Variants in LOC400499 observed in about 807,000 individuals in gnomAD.
chr16:11,429,389 G>A, the LOC400499 span, among the ~76,000 whole-genome samples: 2 of 152,170 alleles, frequency 1.3e-5, no homozygotes, highest in Non-Finnish European at 2.9e-5. Flanking sequence ...CCCAGTCTCC[G>A]GATGTGAAAG....
the LOC400499 span, chr16:11,494,690 C>T: frequency 2.5e-6 from 1 of 399,434 alleles, no homozygotes; most frequent in East Asian, 3.6e-5. Context: ...CAGAGAAGCA[C>T]AGAGGTTGTG....
At chr16:11,502,631 T>C in the LOC400499 span, among the ~76,000 whole-genome samples, 1 of 151,954 alleles carries the variant, frequency 6.6e-6, no homozygotes, top group Non-Finnish European at 1.5e-5. Flanking sequence ...TTTTTTTTTT[T>C]TGAGACGGAG....
At chr16:11,447,224 G>A in the LOC400499 span, among the ~76,000 whole-genome samples, 89 of 152,280 alleles carry the variant, frequency 5.8e-4, 1 homozygote, top group South Asian at 0.017. Flanking sequence ...ATCCAGGCAC[G>A]GTCTTTCACT....
chr16:11,421,892 C>T, the LOC400499 span, among the ~76,000 whole-genome samples: 150 of 152,272 alleles, frequency 9.9e-4, no homozygotes, highest in African/African-American at 3.3e-3. Context: ...ACCATAGCAT[C>T]CCCGAGTTGT....
At chr16:11,517,315 C>A in the LOC400499 span, among the ~76,000 whole-genome samples, 1 of 152,184 alleles carries the variant, frequency 6.6e-6, no homozygotes, top group Non-Finnish European at 1.5e-5. Flanking sequence ...GGGGAGCCTT[C>A]ACTCTTTCAT....
At chr16:11,465,337 G>T in the LOC400499 span, 2 of 152,240 alleles carry the variant, frequency 1.3e-5, no homozygotes, top group South Asian at 4.1e-4. Context: ...ATCTTGGCCA[G>T]GCTGGTCCCA....
chr16:11,423,048 T>G, the LOC400499 span: 8 of 398,086 alleles, frequency 2.0e-5, no homozygotes, highest in East Asian at 1.4e-4. Flanking sequence ...GGGGACCATG[T>G]GAGTATCTCC....
At chr16:11,515,147 AT>A in the LOC400499 span, among the ~76,000 whole-genome samples, 1 of 151,896 alleles carries the variant, frequency 6.6e-6, no homozygotes, top group Admixed American at 6.6e-5. Context: ...CTCTACTAAA[AT>A]TTTTTTTAAA....
the LOC400499 span, among the ~76,000 whole-genome samples, chr16:11,454,120 C>T: frequency 3.3e-5 from 5 of 152,176 alleles, no homozygotes; most frequent in African/African-American, 1.2e-4. Flanking sequence ...GGGTCACATA[C>T]AAAAGATGAT....
chr16:11,522,129 GAGAC>G, the LOC400499 span: 7 of 398,834 alleles, frequency 1.8e-5, no homozygotes, highest in Non-Finnish European at 3.1e-5. Flanking sequence ...GGCAGAGAGA[GAGAC>G]AGCAATGTCA....
the LOC400499 span, among the ~76,000 whole-genome samples, chr16:11,433,170 G>C: frequency 6.6e-6 from 1 of 152,316 alleles, no homozygotes; most frequent in Admixed American, 6.5e-5. Flanking sequence ...CCACAAAGCT[G>C]AAAATATTTC....
the LOC400499 span, among the ~76,000 whole-genome samples, chr16:11,492,345 C>A: frequency 6.9e-6 from 1 of 145,230 alleles, no homozygotes; most frequent in African/African-American, 2.6e-5. Flanking sequence ...ATCCATGCAA[C>A]AAATATTAAC....
the LOC400499 span, among the ~76,000 whole-genome samples, chr16:11,429,209 T>A: frequency 6.6e-6 from 1 of 152,058 alleles, no homozygotes; most frequent in African/African-American, 2.4e-5. Flanking sequence ...TTTAGTAGCA[T>A]CCCCTGGTAC....
At chr16:11,390,613 G>A in the LOC400499 span, 5 of 573,602 alleles carry the variant, frequency 8.7e-6, 1 homozygote, top group African/African-American at 9.6e-5. Context: ...CAGTGGCACT[G>A]GAGATTGCAG....
At chr16:11,401,357 C>T in the LOC400499 span, 1,343 of 399,514 alleles carry the variant, frequency 3.4e-3, 16 homozygotes, top group African/African-American at 0.024. Context: ...CAGGGCCAGG[C>T]GGGCGGCCAG....
chr16:11,491,990 C>G, the LOC400499 span: 1 of 394,528 alleles, frequency 2.5e-6, no homozygotes, highest in African/African-American at 2.1e-5. Context: ...CCGACACACA[C>G]TCACCTGTGG....
chr16:11,410,815 G>T, the LOC400499 span, among the ~76,000 whole-genome samples: 1 of 152,374 alleles, frequency 6.6e-6, no homozygotes, highest in African/African-American at 2.4e-5. Flanking sequence ...CAGAGGGACA[G>T]AGGAACCTGG....
At chr16:11,434,915 G>T in the LOC400499 span, among the ~76,000 whole-genome samples, 1 of 152,178 alleles carries the variant, frequency 6.6e-6, no homozygotes, top group Admixed American at 6.5e-5. Flanking sequence ...CATGAGACCA[G>T]ACGGAGACGC....
At chr16:11,501,724 C>A in the LOC400499 span, among the ~76,000 whole-genome samples, 7 of 151,986 alleles carry the variant, frequency 4.6e-5, no homozygotes, top group South Asian at 1.5e-3. Flanking sequence ...CCCCCCAGCC[C>A]AGACTCTCCA....
Sources: allele counts gnomAD v4.1 joint callset (sites outside exome capture counted in the v4.1 genomes callset), GRCh38; gene constraint gnomAD v4.1.1; transcripts MANE v1.5.